Variants in SSBP3 observed in about 807,000 individuals in gnomAD.
SSBP3 encodes single-stranded DNA-binding protein 3.
In SSBP3, 5 loss-of-function variants were observed where a neutral mutation model predicts 69.6. The observed-to-expected ratio is 0.07, with a 90% CI of 0.04 to 0.15. SSBP3 has a LOEUF of 0.15. Ranked by LOEUF, SSBP3 falls within the 10% of genes least tolerant of loss-of-function variation. The pLI is 1.00. For synonymous variants in SSBP3, 196 were observed against 193.4 expected, an observed-to-expected ratio of 1.01 and a Z score of -0.11; for missense variants, 312 against 534.0, an observed-to-expected ratio of 0.58 and a Z score of 4.10.
At chr1:54,312,363 G>T (rs1035449026) in intron 4 of SSBP3, among the ~76,000 whole-genome samples, 3 of 151,806 alleles carry the variant, frequency 2.0e-5, no homozygotes, top group African/African-American at 7.3e-5. Context: ...GCTGAGGTGG[G>T]TGGATCACCT....
At chr1:54,354,883 C>T (rs1646839164) in intron 4 of SSBP3, among the ~76,000 whole-genome samples, 1 of 152,200 alleles carries the variant, frequency 6.6e-6, no homozygotes, top group Non-Finnish European at 1.5e-5. Context: ...TCTACCCAGC[C>T]TGTGGACTTC....
intron 5 of SSBP3, among the ~76,000 whole-genome samples, chr1:54,280,294 C>T (rs1343681092): frequency 6.6e-6 from 1 of 152,202 alleles, no homozygotes; most frequent in Non-Finnish European, 1.5e-5. Flanking sequence ...CTTTAACATC[C>T]CTAGGAGACG....
chr1:54,330,847 G>A lies in SSBP3; in HGVS notation c.277-49320C>T, dbSNP rs563795340. Among the ~76,000 whole-genome samples, 22 of 152,288 alleles carry A rather than the reference G, an allele frequency of 1.4e-4. No individual in the cohort carries two copies. The East Asian group carries it at 3.3e-3, about 23-fold the overall frequency. On this transcript the variant is annotated intron_variant, in intron 4 of 17. Coordinates refer to ENST00000610401, the Ensembl canonical transcript of SSBP3. The stretch of plus-strand genomic sequence containing the variant: ...GCCAACGCAGGCCACCCTGAAGTCC[G>A]TGCTACCTCCTGAGCACACCACCGT...
chr1:54,254,260 G>A (rs1273533166), intron 7 of SSBP3, among the ~76,000 whole-genome samples: 1 of 152,232 alleles, frequency 6.6e-6, no homozygotes, highest in African/African-American at 2.4e-5. Context: ...CATCTGCCCA[G>A]GAAACGGACA....
rs1315782751 is a variant in SSBP3 at position 54,251,668 on chromosome 1, A to G, written c.599T>C (p.Met200Thr). The change falls in exon 9 of 18, where the codon ATG becomes ACG. Residue 200 changes from methionine (M) to threonine (T), a missense_variant. Physicochemically the swap from Met to Thr is moderately conservative, Grantham distance 81. This residue lies in a region of SSBP3 where 134 missense variants were observed against 212.1 expected (regional missense o/e 0.63). Coordinates refer to ENST00000610401, the Ensembl canonical transcript of SSBP3. ...GCCTCGGGGAGGGTTCATTCTCTGCATTGATCCTCCCATGTTGGGGTGGCC... is the reference window on the plus strand; with the variant it reads ...GCCTCGGGGAGGGTTCATTCTCTGCGTTGATCCTCCCATGTTGGGGTGGCC... 5 of 1,554,278 alleles carry G rather than the reference A, an allele frequency of 3.2e-6. No homozygotes were observed. In the Admixed American group the frequency reaches 9.8e-5, roughly 30 times the overall value.
intron 4 of SSBP3, among the ~76,000 whole-genome samples, chr1:54,319,664 A>G (rs1253912481): frequency 2.0e-5 from 3 of 151,760 alleles, no homozygotes; most frequent in African/African-American, 7.3e-5. Flanking sequence ...TTAATGATCA[A>G]CCTTCCAGGC....
chr1:54,234,366 A>T (rs1165573772), intron 14 of SSBP3, among the ~76,000 whole-genome samples: 1 of 150,430 alleles, frequency 6.6e-6, no homozygotes, highest in Non-Finnish European at 1.5e-5. Context: ...TAAAAAAAAT[A>T]AATAAAAATA....
chr1:54,286,319 T>A (rs1396861351), intron 4 of SSBP3: 1 of 152,216 alleles, frequency 6.6e-6, no homozygotes, highest in Non-Finnish European at 1.5e-5. Context: ...AAAGCTAATT[T>A]AAAATTCTTT....
intron 4 of SSBP3, among the ~76,000 whole-genome samples, chr1:54,363,388 G>A (rs1212288613): frequency 1.3e-5 from 2 of 151,826 alleles, no homozygotes; most frequent in East Asian, 1.9e-4. Flanking sequence ...TGGAGAAAAA[G>A]TACTTAGCAC....
upstream of SSBP3, among the ~76,000 whole-genome samples, chr1:54,409,588 G>T (rs911708648): frequency 6.6e-6 from 1 of 151,966 alleles, no homozygotes; most frequent in African/African-American, 2.4e-5. Flanking sequence ...CCAACAATAG[G>T]GTTAGATAAG....
chr1:54,246,550 T>C (rs1164447357), intron 9 of SSBP3, among the ~76,000 whole-genome samples: 1 of 152,178 alleles, frequency 6.6e-6, no homozygotes, highest in Non-Finnish European at 1.5e-5. Flanking sequence ...TAGAGCCCTC[T>C]TGACATGCAG....
intron 4 of SSBP3, among the ~76,000 whole-genome samples, chr1:54,330,237 T>C (rs1004198029): frequency 6.6e-6 from 1 of 152,130 alleles, no homozygotes; most frequent in Admixed American, 6.5e-5. Context: ...TCAACGTGAT[T>C]ACCACCAGCA....
intron 5 of SSBP3, among the ~76,000 whole-genome samples, chr1:54,276,204 A>C (rs2100846220): frequency 6.6e-6 from 1 of 152,296 alleles, no homozygotes; most frequent in East Asian, 1.9e-4. Flanking sequence ...GGATGAGCTA[A>C]GCTTTTGGCA....
At chr1:54,290,538 T>C (rs888184963) in intron 4 of SSBP3, among the ~76,000 whole-genome samples, 5 of 152,182 alleles carry the variant, frequency 3.3e-5, no homozygotes, top group Admixed American at 3.3e-4. Flanking sequence ...TAGGAGGAAG[T>C]GAATTCCCTG....
At chr1:54,315,277 A>G (rs1646074862) in intron 4 of SSBP3, among the ~76,000 whole-genome samples, 1 of 152,096 alleles carries the variant, frequency 6.6e-6, no homozygotes, top group Non-Finnish European at 1.5e-5. Flanking sequence ...ACTGCACACA[A>G]TAGCACAAGA....
chr1:54,252,959 G>C (rs1308579394), intron 7 of SSBP3, among the ~76,000 whole-genome samples: 1 of 152,210 alleles, frequency 6.6e-6, no homozygotes, highest in Non-Finnish European at 1.5e-5. Context: ...CTGTGGGGGA[G>C]GCTGAGTGGG....
rs769249326 is a variant in SSBP3, at chr1:54,255,431, G to A, written c.507+1696C>T. Among the ~76,000 whole-genome samples, 38 of 152,310 alleles carry A rather than the reference G, an allele frequency of 2.5e-4. 1 individual carries two copies. Among genetic ancestry groups the A allele is most frequent in the Non-Finnish European group, 3.4e-4 (23 of 68,026 alleles). ...TGCTGCTGGCGCCCCTATGTGCCAC[G>A]GCAAAGCAGGCCCAGCGGTGATGGG... is the stretch of plus-strand genomic sequence containing the variant. On this transcript the variant is annotated intron_variant, in intron 7 of 17. Transcript: ENST00000610401.
At chr1:54,404,794 G>C (rs1275804349) in intron 2 of SSBP3, 64 bp downstream of exon 2, 5 of 844,162 alleles carry the variant, frequency 5.9e-6, no homozygotes, top group African/African-American at 2.0e-5. Flanking sequence ...TGAAAACAAA[G>C]GCTCTAAGAA....
chr1:54,309,653 G>A (rs1356377602), intron 4 of SSBP3, among the ~76,000 whole-genome samples: 1 of 152,192 alleles, frequency 6.6e-6, no homozygotes, highest in Non-Finnish European at 1.5e-5. Flanking sequence ...AGACCCTGGA[G>A]TTTGGTCCTG....
Sources: gnomAD v4.1 joint callset for allele counts (sites outside exome capture counted in the v4.1 genomes callset) on GRCh38, gnomAD v4.1.1 for gene constraint, gnomAD v4.1.1 regional missense constraint, MANE v1.5 for transcripts, NCBI Gene and HGNC (gene_info 2026-07-23, HGNC 2026-07-21) for gene names.